Variants in ABCA1 observed in about 807,000 individuals in gnomAD.
The protein encoded by ABCA1 is ATP binding cassette subfamily A member 1.
Under a neutral mutation model 262.5 loss-of-function variants are expected in ABCA1, and 133 were observed. The ratio of observed to expected loss-of-function variants is 0.51; its 90% CI spans 0.44 to 0.59. ABCA1 has a LOEUF of 0.59. Ranked by LOEUF, ABCA1 falls within the 20% of genes least tolerant of loss-of-function variation. The pLI, the probability that ABCA1 is intolerant of heterozygous loss-of-function variation, is 0.00. For synonymous variants in ABCA1, 1,022 were observed against 1,043.5 expected, an observed-to-expected ratio of 0.98 and a Z score of 0.40; for missense variants, 2,452 against 2,777.5, an observed-to-expected ratio of 0.88 and a Z score of 2.63.
rs148631228 is a variant in ABCA1, at chr9:104,833,466, G to A, written c.1312-695C>T. Among the ~76,000 whole-genome samples the A allele has an allele frequency of 3.3e-5, 5 of 152,304 alleles. No homozygotes were observed. In the East Asian group the frequency reaches 9.6e-4, roughly 29 times the overall value. On this transcript the variant is annotated intron_variant, in intron 11 of 49. Transcript: ENST00000374736. ...CCAAGTGCTGGGATTACAGGCACAA[G>A]CCACCAGCCCAGTGAGTATCCTTTA... is the stretch of plus-strand genomic sequence containing the variant.
chr9:104,880,827 GCTT>G (rs1564235725), intron 5 of ABCA1, among the ~76,000 whole-genome samples: 2 of 152,006 alleles, frequency 1.3e-5, no homozygotes, highest in African/African-American at 4.8e-5. Context: ...TACAGATTTG[GCTT>G]CTTCACCACT....
intron 8 of ABCA1, among the ~76,000 whole-genome samples, chr9:104,842,426 C>T (rs1285329483): frequency 6.6e-6 from 1 of 152,074 alleles, no homozygotes; most frequent in African/African-American, 2.4e-5. Flanking sequence ...ACCCACCACT[C>T]CCCAATCAAA....
In ABCA1 at chr9:104,889,202, G is replaced by T. The variant is rs777215126; in HGVS notation, c.67-7C>A. The T allele has an allele frequency of 6.2e-7, 1 of 1,613,570 alleles. No homozygotes were observed. The highest frequency in any genetic ancestry group is 1.1e-5 in the South Asian group (1 of 91,040). ...CTTCCAGCAGCAGCTGACACTGAGT[G>T]GGAAATAAGATAGAACACTGTAAAT... On this transcript the variant is annotated splice_region_variant and splice_polypyrimidine_tract_variant and intron_variant, in intron 2 of 49. Coordinates refer to ENST00000374736, the MANE Select transcript of ABCA1 (RefSeq NM_005502.4).
At chr9:104,863,566 C>A (rs1836820741) in intron 5 of ABCA1, among the ~76,000 whole-genome samples, 1 of 152,222 alleles carries the variant, frequency 6.6e-6, no homozygotes, top group African/African-American at 2.4e-5. Context: ...ACAGGAGGGC[C>A]TGACAGCCCA....
chr9:104,899,563 G>C (rs1440554111), intron 2 of ABCA1, among the ~76,000 whole-genome samples: 1 of 151,976 alleles, frequency 6.6e-6, no homozygotes, highest in East Asian at 1.9e-4. Context: ...GCGTGGTGCT[G>C]TGTGCCCATA....
chr9:104,792,976 T>C, intron 41 of ABCA1, 70 bp from the exon 42 acceptor site: 1 of 1,609,884 alleles, frequency 6.2e-7, no homozygotes. Flanking sequence ...GTCTCTAACG[T>C]AGTATTATAA....
At chr9:104,841,055 C>T (rs1834318590) in intron 8 of ABCA1, among the ~76,000 whole-genome samples, 1 of 152,190 alleles carries the variant, frequency 6.6e-6, no homozygotes, top group Admixed American at 6.5e-5. Flanking sequence ...CAGCCCTCTT[C>T]CGCCTTGGGA....
At chr9:104,824,798 T>A (rs1174226468) in intron 17 of ABCA1, among the ~76,000 whole-genome samples, 1 of 152,176 alleles carries the variant, frequency 6.6e-6, no homozygotes, top group East Asian at 1.9e-4. Flanking sequence ...GCAGGTGCCA[T>A]CCCCATTTTA....
chr9:104,904,184 T>G (rs1840901282), intron 1 of ABCA1, among the ~76,000 whole-genome samples: 1 of 152,182 alleles, frequency 6.6e-6, no homozygotes, highest in South Asian at 2.1e-4. Context: ...TTTGTAAATT[T>G]TGCCTCAAGC....
chr9:104,831,513 G>T, intron 13 of ABCA1, 109 bp downstream of exon 13: 3 of 938,202 alleles, frequency 3.2e-6, no homozygotes, highest in Non-Finnish European at 4.7e-6. Context: ...TTTTGTTGTT[G>T]TTGAAATTTC....
At position 104,804,712 on chromosome 9, in the gene ABCA1, T is replaced by C. The variant is rs777510579; in HGVS notation, c.4473A>G (p.Gln1491=). ...AGGLPPPQRK[Q]NTADILQDLT... ...GGTCCTGAAGGATATCTGCAGTGTT[T>C]TGTTTTCTCTGTCATCACATGAAAA... is the stretch of plus-strand genomic sequence containing the variant. The change falls in exon 32 of 50, where the codon CAA becomes CAG. Residue 1491 remains glutamine (Q), a synonymous_variant. Transcript: ENST00000374736. 6.2e-7 allele frequency: 1 copy of C among 1,614,032 alleles called. No individual in the cohort carries two copies. The highest frequency in any genetic ancestry group is 1.1e-5 in the South Asian group (1 of 91,082).
At chr9:104,794,208 G>A (rs940694979) in intron 40 of ABCA1, among the ~76,000 whole-genome samples, 179 bp downstream of exon 40, 5 of 152,168 alleles carry the variant, frequency 3.3e-5, no homozygotes, top group African/African-American at 1.2e-4. Context: ...ACAAATGGTT[G>A]TGTCACAAAA....
intron 7 of ABCA1, chr9:104,855,208 T>C (rs1305808045): frequency 1.0e-6 from 1 of 976,250 alleles, no homozygotes; most frequent in African/African-American, 1.8e-5. Flanking sequence ...CTTTTTTTTC[T>C]TTTTCTGAGA....
At chr9:104,798,059 G>A (rs1428253157) in intron 37 of ABCA1, among the ~76,000 whole-genome samples, 1 of 152,156 alleles carries the variant, frequency 6.6e-6, no homozygotes, top group Non-Finnish European at 1.5e-5. Context: ...TTCCTAGTAA[G>A]GCAAAGAACA....
intron 32 of ABCA1, 78 bp downstream of exon 32, chr9:104,804,548 T>G: frequency 1.7e-6 from 2 of 1,151,918 alleles, no homozygotes; most frequent in Non-Finnish European, 2.6e-6. Flanking sequence ...CCCCCACTGT[T>G]TCAGTCTGTT....
Position 104,862,049 on chromosome 9 carries a change from T to TACACAC in ABCA1, c.422-255_422-250dup, listed in dbSNP as rs35010837. ...AACTCAAACAGTGTGATGGTGCTGT[T>TACACAC]ACACACACACACACACACACACACA... On this transcript the variant is annotated intron_variant, in intron 5 of 49. Coordinates refer to ENST00000374736, the MANE Select transcript of ABCA1 (RefSeq NM_005502.4). Among the ~76,000 whole-genome samples the TACACAC allele has an allele frequency of 6.7e-3, 967 of 145,074 alleles. 9 individuals are homozygous for TACACAC. Among genetic ancestry groups the TACACAC allele is most frequent in the African/African-American group, 0.022 (865 of 39,184 alleles).
rs144885285 is a variant in ABCA1 at position 104,822,008 on chromosome 9, G to A, written c.2828+488C>T. On this transcript the variant is annotated intron_variant, in intron 19 of 49. Transcript: ENST00000374736. ...CCTTTGGAATGGTTAGAATGGTTGA[G>A]GAATCGTGCTGGAAGCCACTGAGGC... Among the ~76,000 whole-genome samples, 54 of 152,276 alleles carry A rather than the reference G, an allele frequency of 3.5e-4. No individual in the cohort carries two copies. The East Asian group carries it at 0.01, about 28-fold the overall frequency.
Position 104,858,544 on chromosome 9 carries a change from ATGT to A in ABCA1, c.695_697del (p.Asn232del). On this transcript the variant is annotated inframe_deletion, in exon 7 of 50. Coordinates refer to ENST00000374736, the MANE Select transcript of ABCA1 (RefSeq NM_005502.4). ...CACCAGGATTGGCTTCAGGATGTCC[ATGT>A]TGGAACGAAGTACTCGCTCTGCTGC... The A allele has an allele frequency of 6.2e-7, 1 of 1,614,062 alleles. No individual in the cohort carries two copies.
chr9:104,799,617 A>AT (rs1238353259), intron 36 of ABCA1: 2 of 985,182 alleles, frequency 2.0e-6, no homozygotes, highest in Middle Eastern at 5.2e-4. Context: ...TATCAGTGTC[A>AT]TTTTCTCTTC....
Sources: allele counts gnomAD v4.1 joint callset (sites outside exome capture counted in the v4.1 genomes callset), GRCh38; gene constraint gnomAD v4.1.1; transcripts MANE v1.5; gene names NCBI Gene and HGNC (gene_info 2026-07-23, HGNC 2026-07-21).